Variants in VWA3B observed in about 807,000 individuals in gnomAD.
The protein encoded by VWA3B is von Willebrand factor A domain-containing protein 3B.
In VWA3B, 138 loss-of-function variants were observed where a neutral mutation model predicts 158.3. The ratio of observed to expected loss-of-function variants is 0.87; its 90% CI spans 0.76 to 1.00. The LOEUF (loss-of-function observed/expected upper bound fraction) is 1.00. Ranked by LOEUF, VWA3B falls within the 50% of genes least tolerant of loss-of-function variation. The pLI is 0.00. For missense variants in VWA3B, 1,555 were observed against 1,565.1 expected (o/e 0.99, Z 0.11); for synonymous variants, 596 against 587.3 (o/e 1.01, Z -0.21).
At chr2:98,179,630 C>G (rs1680308584) in intron 8 of VWA3B, among the ~76,000 whole-genome samples, 1 of 151,824 alleles carries the variant, frequency 6.6e-6, no homozygotes, top group Non-Finnish European at 1.5e-5. Flanking sequence ...ACGTGACCTA[C>G]CTTCCTTCCT....
intron 10 of VWA3B, among the ~76,000 whole-genome samples, chr2:98,189,078 C>T (rs1037439666): frequency 6.6e-6 from 1 of 152,030 alleles, no homozygotes; most frequent in African/African-American, 2.4e-5. Flanking sequence ...TCTAATTTTC[C>T]CCATCATTTC....
At chr2:98,189,890 A>G (rs1358446476) in intron 10 of VWA3B, among the ~76,000 whole-genome samples, 2 of 151,940 alleles carry the variant, frequency 1.3e-5, no homozygotes, top group Middle Eastern at 3.2e-3. Context: ...CATTATTTTT[A>G]TTATTCTTTT....
chr2:98,298,639 G>A (rs1226813432), intron 24 of VWA3B, among the ~76,000 whole-genome samples: 1 of 152,226 alleles, frequency 6.6e-6, no homozygotes, highest in East Asian at 1.9e-4. Context: ...GGCCATGAAT[G>A]TCAGTTGTCC....
At chr2:98,207,872 T>G in intron 12 of VWA3B, 1 of 185,980 alleles carries the variant, frequency 5.4e-6, no homozygotes, top group Non-Finnish European at 1.1e-5. Flanking sequence ...TATTTAAGGT[T>G]TCCAATACAA....
At chr2:98,148,902 G>A (rs905128690) in intron 7 of VWA3B, among the ~76,000 whole-genome samples, 85 of 152,160 alleles carry the variant, frequency 5.6e-4, no homozygotes, top group African/African-American at 2.0e-3. Flanking sequence ...ATTTATCATA[G>A]ATGTGAAGAA....
At chr2:98,138,652 A>G (rs1488850423) in intron 7 of VWA3B, among the ~76,000 whole-genome samples, 2 of 152,222 alleles carry the variant, frequency 1.3e-5, no homozygotes, top group Admixed American at 1.3e-4. Flanking sequence ...CCAGAAAGGA[A>G]TAATTACTCA....
intron 8 of VWA3B, among the ~76,000 whole-genome samples, chr2:98,177,509 T>C (rs1680108600): frequency 6.6e-6 from 1 of 151,844 alleles, no homozygotes; most frequent in Admixed American, 6.6e-5. Flanking sequence ...CCCAGGAAAA[T>C]GAGACTCAGC....
intron 7 of VWA3B, among the ~76,000 whole-genome samples, chr2:98,157,912 C>T (rs1013816641): frequency 1.3e-5 from 2 of 152,222 alleles, no homozygotes; most frequent in Non-Finnish European, 2.9e-5. Context: ...CCGCACCTGC[C>T]TATCTTTCTA....
At position 98,228,233 on chromosome 2, in the gene VWA3B, T is replaced by C; in HGVS notation, c.2051T>C (p.Met684Thr). 1 of 1,613,754 alleles carries C rather than the reference T, an allele frequency of 6.2e-7. No individual in the cohort carries two copies. The highest frequency in any genetic ancestry group is 8.5e-7 in the Non-Finnish European group (1 of 1,179,870). ...NEDLTLLVKEMEQGHSDLEKM... is the reference protein window; with the variant it reads ...NEDLTLLVKETEQGHSDLEKM... ...GATCTGACTCTTTTAGTTAAGGAAA[T>C]GGAACAGGGTCACAGTGATCTGGAG... The change falls in exon 15 of 28, where the codon ATG becomes ACG. Residue 684 changes from methionine (M) to threonine (T), a missense_variant. Transcript: ENST00000477737.
intron 2 of VWA3B, among the ~76,000 whole-genome samples, chr2:98,112,447 G>A (rs1382072784): frequency 6.6e-6 from 1 of 150,710 alleles, no homozygotes; most frequent in East Asian, 1.9e-4. Context: ...TTTTTTTTCT[G>A]ACCTTTAAAT....
At chr2:98,174,593 C>T (rs537800974) in intron 8 of VWA3B, among the ~76,000 whole-genome samples, 1 of 152,126 alleles carries the variant, frequency 6.6e-6, no homozygotes, top group Non-Finnish European at 1.5e-5. Flanking sequence ...AAGAGGTAAA[C>T]CAAAACACTT....
intron 22 of VWA3B, among the ~76,000 whole-genome samples, chr2:98,271,354 AT>A (rs1012006919): frequency 5.9e-5 from 9 of 152,214 alleles, no homozygotes; most frequent in African/African-American, 1.7e-4. Flanking sequence ...AGTGTTAGCA[AT>A]TTTTTTTAAT....
chr2:98,104,471 T>C (rs1180130211), intron 2 of VWA3B, among the ~76,000 whole-genome samples: 2 of 152,074 alleles, frequency 1.3e-5, no homozygotes, highest in East Asian at 1.9e-4. Context: ...AGAACTAAGA[T>C]TGAGAACTCC....
chr2:98,250,582 C>T, intron 20 of VWA3B, 146 bp downstream of exon 20: 1 of 649,274 alleles, frequency 1.5e-6, no homozygotes, highest in East Asian at 3.1e-5. Context: ...TAGTTCATGC[C>T]TGTAATCCCA....
intron 14 of VWA3B, among the ~76,000 whole-genome samples, chr2:98,221,539 C>G (rs1380943591): frequency 6.6e-6 from 1 of 152,180 alleles, no homozygotes; most frequent in Non-Finnish European, 1.5e-5. Flanking sequence ...TAGAGCTGAC[C>G]AGGGAGCTAA....
chr2:98,305,478 G>A (rs1490601129), intron 26 of VWA3B, among the ~76,000 whole-genome samples: 1 of 152,166 alleles, frequency 6.6e-6, no homozygotes, highest in Non-Finnish European at 1.5e-5. Flanking sequence ...TGAAGATTGG[G>A]GACGGTCATT....
intron 2 of VWA3B, among the ~76,000 whole-genome samples, chr2:98,109,547 A>G (rs1002515561): frequency 5.9e-5 from 9 of 152,206 alleles, no homozygotes; most frequent in African/African-American, 2.2e-4. Flanking sequence ...ATTATTTGTA[A>G]TACTCAAAAG....
At chr2:98,160,147 A>G (rs575167145) in intron 7 of VWA3B, among the ~76,000 whole-genome samples, 7 of 152,152 alleles carry the variant, frequency 4.6e-5, no homozygotes, top group African/African-American at 1.4e-4. Flanking sequence ...TTCCATCCCC[A>G]ATGGGGCTCT....
chr2:98,257,444 T>C (rs1412432030), intron 21 of VWA3B, among the ~76,000 whole-genome samples: 1 of 152,086 alleles, frequency 6.6e-6, no homozygotes, highest in East Asian at 1.9e-4. Context: ...GTCCCTATGA[T>C]ACATATTGAT....
Sources: allele counts gnomAD v4.1 joint callset (sites outside exome capture counted in the v4.1 genomes callset), GRCh38; gene constraint gnomAD v4.1.1; transcripts MANE v1.5; gene names NCBI Gene and HGNC (gene_info 2026-07-23, HGNC 2026-07-21).